Variants in TFDP2 observed in about 807,000 individuals in gnomAD.
The protein encoded by TFDP2 is transcription factor Dp-2 (E2F dimerization partner 2).
Under a neutral mutation model 59.3 loss-of-function variants are expected in TFDP2, and 17 were observed. The observed-to-expected ratio is 0.29, with a 90% CI of 0.20 to 0.43. The LOEUF (loss-of-function observed/expected upper bound fraction) is 0.43, where lower values mean the gene tolerates loss of function less well. TFDP2 is among the 20% of genes least tolerant of loss of function. TFDP2 has a pLI of 1.00. For synonymous variants in TFDP2, 180 were observed against 194.7 expected, an observed-to-expected ratio of 0.92 and a Z score of 0.63; for missense variants, 391 against 528.8, an observed-to-expected ratio of 0.74 and a Z score of 2.56.
chr3:141,988,503 C>T (rs1361052703), intron 6 of TFDP2, among the ~76,000 whole-genome samples: 1 of 151,990 alleles, frequency 6.6e-6, no homozygotes, highest in Admixed American at 6.6e-5. Flanking sequence ...TAGTTTTAGC[C>T]CCTCTAGTTC....
chr3:142,038,402 A>G (rs933912789), intron 3 of TFDP2, among the ~76,000 whole-genome samples: 3 of 151,026 alleles, frequency 2.0e-5, no homozygotes, highest in Non-Finnish European at 4.4e-5. Context: ...AAAAAAAAAA[A>G]AAAAAGAGAA....
chr3:142,018,580 A>G (rs1218743308), intron 3 of TFDP2, among the ~76,000 whole-genome samples: 8 of 151,866 alleles, frequency 5.3e-5, no homozygotes, highest in African/African-American at 1.9e-4. Flanking sequence ...CTTCCCACTC[A>G]GCCTCCTCAG....
chr3:142,072,508 A>G (rs780825723), intron 3 of TFDP2, among the ~76,000 whole-genome samples: 3 of 152,236 alleles, frequency 2.0e-5, no homozygotes, highest in Non-Finnish European at 1.5e-5. Context: ...GCACTGAGAT[A>G]CTGGTTTCTA....
At chr3:142,091,902 G>A (rs73872575) in intron 3 of TFDP2, among the ~76,000 whole-genome samples, 29 of 152,248 alleles carry the variant, frequency 1.9e-4, no homozygotes, top group African/African-American at 6.7e-4. Context: ...AACAGGCCAT[G>A]AGCTCACAGC....
At chr3:142,136,018 C>T (rs1458341049) in intron 1 of TFDP2, among the ~76,000 whole-genome samples, 1 of 151,960 alleles carries the variant, frequency 6.6e-6, no homozygotes, top group East Asian at 2.0e-4. Context: ...TACACTCCCA[C>T]CAACAGTGTA....
chr3:142,147,794 C>T (rs1018883666), intron 1 of TFDP2, among the ~76,000 whole-genome samples: 1 of 152,134 alleles, frequency 6.6e-6, no homozygotes, highest in African/African-American at 2.4e-5. Flanking sequence ...AGAGCCAGTA[C>T]ACAAGTGTGA....
intron 3 of TFDP2, among the ~76,000 whole-genome samples, chr3:142,049,356 AAAG>A (rs369918677): frequency 1.9e-4 from 29 of 152,198 alleles, no homozygotes; most frequent in African/African-American, 3.1e-4. Context: ...TCAGAATAAA[AAAG>A]AAGAACTACA....
At chr3:142,043,038 G>A (rs1947094585) in intron 3 of TFDP2, among the ~76,000 whole-genome samples, 2 of 150,150 alleles carry the variant, frequency 1.3e-5, no homozygotes, top group South Asian at 4.2e-4. Flanking sequence ...CACCGTGCCC[G>A]GCGATGCTTA....
intron 3 of TFDP2, among the ~76,000 whole-genome samples, chr3:142,087,359 C>T (rs1576946750): frequency 6.6e-6 from 1 of 152,130 alleles, no homozygotes; most frequent in Admixed American, 6.5e-5. Context: ...TATTTGTGTA[C>T]CTAAACATAG....
At chr3:142,137,176 GCTCT>G (rs1228472681) in intron 1 of TFDP2, among the ~76,000 whole-genome samples, 8 of 150,734 alleles carry the variant, frequency 5.3e-5, no homozygotes, top group South Asian at 2.1e-4. Context: ...TCGTGATTTG[GCTCT>G]CTGTCTGTTA....
chr3:141,967,500 G>A (rs1938305389), intron 9 of TFDP2, among the ~76,000 whole-genome samples: 1 of 151,894 alleles, frequency 6.6e-6, no homozygotes, highest in Non-Finnish European at 1.5e-5. Context: ...CTCCATGTTG[G>A]TCAGGCTGGT....
At chr3:142,101,884 A>ATAC in intron 1 of TFDP2, 43 bp from the exon 2 acceptor site, 1 of 473,288 alleles carries the variant, frequency 2.1e-6, no homozygotes, top group Non-Finnish European at 3.7e-6. Context: ...AATAATAATA[A>ATAC]TAGGCAACAT....
Position 142,043,790 on chromosome 3 carries a change from T to A in TFDP2, c.83-38246A>T, listed in dbSNP as rs867023795. ...GCCTTGTCTGCCTTCAGCTTGTGGA[T>A]GTGCTCCATGAGAATCCGCTTGTTT... On this transcript the variant is annotated intron_variant, in intron 3 of 12. Transcript: ENST00000489671. 3.9e-5 allele frequency: 62 copies of A among 1,597,384 alleles called. No individual in the cohort carries two copies. The Middle Eastern group carries it at 2.2e-3, about 56-fold the overall frequency.
intron 8 of TFDP2, among the ~76,000 whole-genome samples, chr3:141,973,615 GT>G (rs1709982944): frequency 6.6e-6 from 1 of 150,386 alleles, no homozygotes; most frequent in Non-Finnish European, 1.5e-5. Context: ...CAAAGTAAAA[GT>G]CTGACTTCCA....
intron 3 of TFDP2, among the ~76,000 whole-genome samples, chr3:142,087,089 T>C (rs2060827639): frequency 6.6e-6 from 1 of 152,202 alleles, no homozygotes; most frequent in African/African-American, 2.4e-5. Flanking sequence ...AGGGCAGCGA[T>C]CAAATGATAT....
chr3:141,994,961 GA>G (rs1943127707), intron 5 of TFDP2, 58 bp downstream of exon 5: 16 of 1,418,092 alleles, frequency 1.1e-5, no homozygotes, highest in South Asian at 1.8e-5. Context: ...AAGATAGTAA[GA>G]AAAAAATGTC....
chr3:142,118,125 G>C (rs960433935), intron 1 of TFDP2, among the ~76,000 whole-genome samples: 1 of 151,958 alleles, frequency 6.6e-6, no homozygotes. Context: ...GGGGCTGGGG[G>C]GAGGATTAAA....
At chr3:141,973,115 A>ATATG (rs1287003561) in intron 8 of TFDP2, among the ~76,000 whole-genome samples, 1 of 91,922 alleles carries the variant, frequency 1.1e-5, no homozygotes. Context: ...ATATATATAT[A>ATATG]TATATATATT....
At chr3:142,059,314 G>A (rs1336596893) in intron 3 of TFDP2, among the ~76,000 whole-genome samples, 4 of 151,978 alleles carry the variant, frequency 2.6e-5, no homozygotes, top group African/African-American at 9.7e-5. Flanking sequence ...TAACAAGTGG[G>A]TTGTTTCATA....
Sources: gnomAD v4.1 joint callset for allele counts (sites outside exome capture counted in the v4.1 genomes callset) on GRCh38, gnomAD v4.1.1 for gene constraint, MANE v1.5 for transcripts, NCBI Gene and HGNC (gene_info 2026-07-23, HGNC 2026-07-21) for gene names.